The following AIG1 variants were observed in gnomAD, a reference collection of about 807,000 sequenced individuals.
AIG1 encodes the protein androgen induced 1.
AIG1 carries 23 observed loss-of-function variants against 31.4 expected under a neutral mutation model. The ratio of observed to expected loss-of-function variants is 0.73; its 90% CI spans 0.53 to 1.04. The LOEUF is 1.04. Among genes scored for constraint, AIG1 ranks in the 50% least tolerant of loss-of-function variants. AIG1 has a pLI of 0.00. For synonymous variants in AIG1, 100 were observed against 110.5 expected (o/e 0.90, Z 0.60); for missense variants, 274 against 295.0 (o/e 0.93, Z 0.52).
intron 1 of AIG1, among the ~76,000 whole-genome samples, chr6:143,091,473 A>G (rs1397277730): frequency 6.6e-6 from 1 of 152,268 alleles, no homozygotes; most frequent in Non-Finnish European, 1.5e-5. Context: ...CTTTTAATAT[A>G]TGTTTTAAAA....
intron 3 of AIG1, among the ~76,000 whole-genome samples, chr6:143,238,536 G>A (rs910234500): frequency 1.3e-5 from 2 of 152,106 alleles, no homozygotes; most frequent in Admixed American, 1.3e-4. Flanking sequence ...TTGTCCTTTG[G>A]GTCTGGGGGA....
Position 143,326,317 on chromosome 6 carries a change from T to TGG in AIG1, c.516-6963_516-6962dup, listed in dbSNP as rs1383710560. 6.6e-6 allele frequency among the ~76,000 whole-genome samples: 1 copy of TGG among 152,230 alleles called. No homozygotes were observed. The highest frequency in any genetic ancestry group is 2.4e-5 in the African/African-American group (1 of 41,468). On this transcript the variant is annotated intron_variant, in intron 4 of 5. Coordinates refer to ENST00000357847, the MANE Select transcript of AIG1 (RefSeq NM_016108.4). The surrounding 1 kb of genome is among the most constrained non-coding windows in gnomAD (Gnocchi z 4.5). ...CAAAAGTGTTCTCTTCTTGAACTTC[T>TGG]GGGAGCGTTCTCTTGTTCTCAGTTC...
At chr6:143,208,322 T>C (rs1224238048) in intron 3 of AIG1, among the ~76,000 whole-genome samples, 1 of 152,168 alleles carries the variant, frequency 6.6e-6, no homozygotes, top group Non-Finnish European at 1.5e-5. Context: ...TCTGTAGCCA[T>C]TGGGTAGAAG....
chr6:143,343,638 G>T (rs1777901014), downstream of AIG1, among the ~76,000 whole-genome samples: 1 of 152,138 alleles, frequency 6.6e-6, no homozygotes, highest in African/African-American at 2.4e-5. Context: ...TACCTTGCAA[G>T]GATAGCAGAA....
chr6:143,219,103 A>G (rs187184112), intron 3 of AIG1, among the ~76,000 whole-genome samples: 30 of 152,354 alleles, frequency 2.0e-4, no homozygotes, highest in Non-Finnish European at 4.3e-4. Flanking sequence ...TCAGATACAC[A>G]CTTATATGAA....
intron 4 of AIG1, among the ~76,000 whole-genome samples, chr6:143,323,907 C>T (rs1013800124): frequency 6.6e-6 from 1 of 152,150 alleles, no homozygotes; most frequent in Non-Finnish European, 1.5e-5. Flanking sequence ...GGCAATGGTC[C>T]AAGGGACCTT....
chr6:143,102,450 C>G (rs1720054703), intron 1 of AIG1, among the ~76,000 whole-genome samples: 1 of 145,226 alleles, frequency 6.9e-6, no homozygotes, highest in African/African-American at 2.5e-5. Context: ...TTCAGGGCCT[C>G]TTAGGATATA....
At chr6:143,099,956 A>G (rs1780105716) in intron 1 of AIG1, among the ~76,000 whole-genome samples, 1 of 152,240 alleles carries the variant, frequency 6.6e-6, no homozygotes, top group South Asian at 2.1e-4. Context: ...TCAATGGCAG[A>G]CCTGTGGCCA....
chr6:143,290,183 C>T (rs1325194830), intron 4 of AIG1, among the ~76,000 whole-genome samples: 1 of 152,182 alleles, frequency 6.6e-6, no homozygotes, highest in Non-Finnish European at 1.5e-5. Flanking sequence ...GGGCATAAGG[C>T]AGAGTGAGAC....
At position 143,297,478 on chromosome 6, in the gene AIG1, TTGGATGGTTTCTTGGG is replaced by T. The variant is rs1425278438; in HGVS notation, c.515+13257_515+13272del. Among the ~76,000 whole-genome samples, 702 of 151,952 alleles carry T rather than the reference TTGGATGGTTTCTTGGG, an allele frequency of 4.6e-3. 3 individuals are homozygous for T. Among genetic ancestry groups the T allele is most frequent in the African/African-American group, 0.016 (671 of 41,372 alleles). ...GATGATTGGTTGGTTGGTTGGTTGG[TTGGATGGTTTCTTGGG>T]TGGTTGGATGGATGGTTGGGTGGTT... On this transcript the variant is annotated intron_variant, in intron 4 of 5. Coordinates refer to ENST00000357847, the MANE Select transcript of AIG1 (RefSeq NM_016108.4). This position sits in a 1 kb window ranked among gnomAD's most constrained non-coding sequence, Gnocchi z 5.1.
At chr6:143,095,540 A>G (rs1447541636) in intron 1 of AIG1, among the ~76,000 whole-genome samples, 7 of 152,326 alleles carry the variant, frequency 4.6e-5, no homozygotes, top group Admixed American at 4.6e-4. Context: ...AGTTTTTTGA[A>G]TCATCTAAAT....
chr6:143,331,666 ATG>A lies in AIG1; in HGVS notation c.516-1602_516-1601del, dbSNP rs139730242. Among the ~76,000 whole-genome samples the A allele has an allele frequency of 8.6e-5, 13 of 150,468 alleles. No homozygotes were observed. The highest frequency in any genetic ancestry group is 1.3e-4 in the Admixed American group (2 of 15,036). On this transcript the variant is annotated intron_variant, in intron 4 of 5. Transcript: ENST00000357847. The surrounding 1 kb of genome is among the most constrained non-coding windows in gnomAD (Gnocchi z 4.1). ...TGTGTGTATATATGTGTGTGTGTAT[ATG>A]TGTGTGTGTGTGTATCTGTGCTTTC...
chr6:143,285,393 G>T (rs1797616989), intron 4 of AIG1, among the ~76,000 whole-genome samples: 1 of 150,780 alleles, frequency 6.6e-6, no homozygotes, highest in African/African-American at 2.4e-5. Flanking sequence ...TGGGTGCTGT[G>T]GCTCACGCTT....
chr6:143,068,318 G>A (rs1372969314), intron 1 of AIG1, among the ~76,000 whole-genome samples: 1 of 152,216 alleles, frequency 6.6e-6, no homozygotes, highest in African/African-American at 2.4e-5. Flanking sequence ...TGATCCAAGC[G>A]TGCTTGGAAA....
rs1200389953 is a variant in AIG1, at chr6:143,182,716, G to A, written c.399+17533G>A. 2.0e-5 allele frequency among the ~76,000 whole-genome samples: 3 copies of A among 152,304 alleles called. No individual in the cohort carries two copies. In the East Asian group the frequency reaches 5.8e-4, roughly 29 times the overall value. The stretch of plus-strand genomic sequence containing the variant: ...CCCTTGCTAGAATGGAATTTCCATA[G>A]GGTAGGGGTCTTTATTTCAGTTGCT... On this transcript the variant is annotated intron_variant, in intron 3 of 5. Coordinates refer to ENST00000357847, the MANE Select transcript of AIG1 (RefSeq NM_016108.4).
intron 3 of AIG1, among the ~76,000 whole-genome samples, chr6:143,204,217 G>C (rs1295049120): frequency 6.6e-6 from 1 of 152,142 alleles, no homozygotes; most frequent in Non-Finnish European, 1.5e-5. Flanking sequence ...TGGAATTGAG[G>C]CAATGCTCAG....
intron 1 of AIG1, among the ~76,000 whole-genome samples, chr6:143,110,973 G>T (rs764115222): frequency 1.5e-4 from 23 of 152,082 alleles, no homozygotes; most frequent in Non-Finnish European, 3.1e-4. Flanking sequence ...ATCCCCAGTT[G>T]CCAGAGATGA....
intron 3 of AIG1, among the ~76,000 whole-genome samples, chr6:143,270,215 C>A (rs989378549): frequency 6.6e-6 from 1 of 152,280 alleles, no homozygotes; most frequent in Admixed American, 6.5e-5. Context: ...CATCCTTTCC[C>A]CCTCTTCCCA....
At chr6:143,283,986 A>G (rs1015648515) in intron 3 of AIG1, 124 bp from the exon 4 acceptor site, 1 of 602,220 alleles carries the variant, frequency 1.7e-6, no homozygotes, top group Non-Finnish European at 2.9e-6. Context: ...TTGGCGAGCC[A>G]TAGACTTCTT....
Sources: allele counts gnomAD v4.1 joint callset (sites outside exome capture counted in the v4.1 genomes callset), GRCh38; gene constraint gnomAD v4.1.1; non-coding constraint Gnocchi (gnomAD v3.1); transcripts MANE v1.5; gene names NCBI Gene and HGNC (gene_info 2026-07-23, HGNC 2026-07-21).